Variants in GYG1 observed in about 807,000 individuals in gnomAD.
GYG1 encodes the protein glycogenin-1.
Under a neutral mutation model 41.9 loss-of-function variants are expected in GYG1, and 44 were observed. The ratio of observed to expected loss-of-function variants is 1.05; its 90% CI spans 0.83 to 1.35. GYG1 has a LOEUF of 1.35. GYG1 is among the 40% of genes most tolerant of loss of function. The pLI is 0.00. For missense variants in GYG1, 429 were observed against 418.9 expected (o/e 1.02, Z -0.21); for synonymous variants, 141 against 158.1 (o/e 0.89, Z 0.81).
At position 149,026,911 on chromosome 3, in the gene GYG1, A is replaced by G. The variant is rs1231381999; in HGVS notation, c.1031A>G (p.Lys344Arg). The change falls in exon 8 of 8, where the codon AAA (lysine) becomes AGA (arginine). Residue 344 changes from lysine (K) to arginine (R), a missense_variant. Lys to Arg is a conservative substitution (Grantham distance 26, BLOSUM62 2). Transcript: ENST00000345003. The part of the protein sequence containing the change: ...GADSFDNIKR[K>R]LDTYLQ ...GATTCCTTTGACAACATCAAGAGGA[A>G]ACTTGACACTTACCTCCAGTAGAAA... The G allele has an allele frequency of 1.9e-6, 3 of 1,613,644 alleles. No individual in the cohort carries two copies. The highest frequency in any genetic ancestry group is 1.7e-6 in the Non-Finnish European group (2 of 1,179,634).
rs1317678483 is a variant in GYG1, at chr3:149,030,807, C to A, written c.*3874C>A. On this transcript the variant is annotated 3_prime_UTR_variant, in exon 8 of 8. Coordinates refer to ENST00000345003, the MANE Select transcript of GYG1 (RefSeq NM_004130.4). ...CCAGGAAGATTCTAGCTGGCTAATTCACTGTTCCCTTTGAGCAAGAAAACG... is the reference window on the plus strand; with the variant it reads ...CCAGGAAGATTCTAGCTGGCTAATTAACTGTTCCCTTTGAGCAAGAAAACG... 6.6e-6 allele frequency: 1 copy of A among 152,156 alleles called. No homozygotes were observed. The highest frequency in any genetic ancestry group is 2.4e-5 in the African/African-American group (1 of 41,432). The allele number at this position is 152,156 out of a possible 1,614,324, so 9.4% of individuals were successfully genotyped here.
chr3:148,996,376 C>G lies in GYG1; in HGVS notation c.218C>G (p.Thr73Ser). 1 of 1,612,444 alleles carries G rather than the reference C, an allele frequency of 6.2e-7. No individual in the cohort carries two copies. The change falls in exon 3 of 8, where the codon ACC becomes AGC. Residue 73 changes from threonine to serine, a missense_variant. Transcript: ENST00000345003. ...VLDSGDSAHL[T>S]LMKRPELGVT... is the part of the protein sequence containing the mutation. ...GACAGTGGCGATTCTGCTCATCTAA[C>G]CTTAATGAAGAGGCCAGAGTTGGGT... is the stretch of plus-strand genomic sequence containing the variant.
At chr3:149,009,815 T>G (rs1437045719) in intron 5 of GYG1, among the ~76,000 whole-genome samples, 3 of 152,198 alleles carry the variant, frequency 2.0e-5, no homozygotes, top group African/African-American at 7.2e-5. Flanking sequence ...AGCTCCCTCA[T>G]AATTGTTGTG....
intron 5 of GYG1, among the ~76,000 whole-genome samples, chr3:149,023,319 G>GTAAT (rs1217693355): frequency 6.6e-6 from 1 of 152,236 alleles, no homozygotes; most frequent in Non-Finnish European, 1.5e-5. Context: ...GAGGCTGGGA[G>GTAAT]TAATGTATAC....
At chr3:148,991,863 C>T (rs540541605) in intron 1 of GYG1, among the ~76,000 whole-genome samples, 180 of 152,326 alleles carry the variant, frequency 1.2e-3, no homozygotes, top group Non-Finnish European at 2.2e-3. Flanking sequence ...GGGCAGAGCC[C>T]GGGCCCTCGG....
chr3:149,003,229 C>T (rs1713200298), intron 4 of GYG1, among the ~76,000 whole-genome samples: 1 of 151,544 alleles, frequency 6.6e-6, no homozygotes, highest in East Asian at 1.9e-4. Flanking sequence ...GATTCTCCTG[C>T]CTCAGCCTCC....
rs1372045249 is a variant in GYG1 at position 149,026,933 on chromosome 3, GAA to G, written c.*2_*3del. 4 of 1,613,656 alleles carry G rather than the reference GAA, an allele frequency of 2.5e-6. No individual in the cohort carries two copies. The African/African-American group carries it at 5.3e-5, about 22-fold the overall frequency. ...GGAAACTTGACACTTACCTCCAGTA[GAA>G]ACACTGCATTTTTCTGTGAACACAT... On this transcript the variant is annotated 3_prime_UTR_variant, in exon 8 of 8. Transcript: ENST00000345003.
At position 148,995,544 on chromosome 3, in the gene GYG1, G is replaced by T. The variant is rs1439804303; in HGVS notation, c.144-758G>T. Among the ~76,000 whole-genome samples the T allele has an allele frequency of 3.3e-5, 5 of 152,164 alleles. No homozygotes were observed. In the South Asian group the frequency reaches 6.2e-4, roughly 19 times the overall value. ...CCTAATTTGTAGTCTATTAGGATATGTCTAAGAAACCAGATCTAGTCTTGC... is the reference window on the plus strand; with the variant it reads ...CCTAATTTGTAGTCTATTAGGATATTTCTAAGAAACCAGATCTAGTCTTGC... On this transcript the variant is annotated intron_variant, in intron 2 of 7. Coordinates refer to ENST00000345003, the MANE Select transcript of GYG1 (RefSeq NM_004130.4).
At chr3:149,017,160 A>G (rs559172845) in intron 5 of GYG1, among the ~76,000 whole-genome samples, 9 of 152,326 alleles carry the variant, frequency 5.9e-5, no homozygotes, top group East Asian at 5.8e-4. Flanking sequence ...TGAAAATTCT[A>G]TCTGATCTTT....
Position 148,996,610 on chromosome 3 carries a change from G to T in GYG1, c.319-132G>T, listed in dbSNP as rs1712807237. ...AACCACTGTCATGAAATATGTCAGG[G>T]GATGAAGGAGAGGAGGCCCAGGCTG... On this transcript the variant is annotated intron_variant, in intron 3 of 7. Transcript: ENST00000345003. 6 of 1,186,888 alleles carry T rather than the reference G, an allele frequency of 5.1e-6. No individual in the cohort carries two copies. In the Admixed American group the frequency reaches 8.7e-5, roughly 17 times the overall value. 73.5% of individuals were successfully genotyped at this position (1,186,888 alleles called of 1,614,324 possible).
Position 149,018,467 on chromosome 3 carries a change from C to T in GYG1, c.609-5586C>T, listed in dbSNP as rs1714189279. ...TCCCTCATATCAAGCCAAGTGCTGC[C>T]CTAGATGAGTTCTAGGAACATTCTT... is the stretch of plus-strand genomic sequence containing the variant. On this transcript the variant is annotated intron_variant, in intron 5 of 7. Transcript: ENST00000345003. Among the ~76,000 whole-genome samples, 3 of 152,114 alleles carry T rather than the reference C, an allele frequency of 2.0e-5. No homozygotes were observed. The South Asian group carries it at 6.2e-4, about 32-fold the overall frequency.
At chr3:149,014,550 T>C (rs1713912664) in intron 5 of GYG1, among the ~76,000 whole-genome samples, 1 of 151,680 alleles carries the variant, frequency 6.6e-6, no homozygotes, top group African/African-American at 2.4e-5. Flanking sequence ...ACATAACTTC[T>C]TTGGGAGGCC....
In GYG1 at chr3:149,014,415, T is replaced by TG. The variant is rs1713903356; in HGVS notation, c.608+5018dup. Among the ~76,000 whole-genome samples, 3 of 152,046 alleles carry TG rather than the reference T, an allele frequency of 2.0e-5. No homozygotes were observed. The South Asian group carries it at 6.2e-4, about 32-fold the overall frequency. The stretch of plus-strand genomic sequence containing the variant: ...GAGTGAGATCGCATGGGCAGAAGTC[T>TG]GGGGGAGGAATGCCATCTCGGTCGA... On this transcript the variant is annotated intron_variant, in intron 5 of 7. Coordinates refer to ENST00000345003, the MANE Select transcript of GYG1 (RefSeq NM_004130.4).
chr3:149,015,281 CAGG>C (rs1210965232), intron 5 of GYG1, among the ~76,000 whole-genome samples: 1 of 152,154 alleles, frequency 6.6e-6, no homozygotes, highest in Non-Finnish European at 1.5e-5. Context: ...AGATAAAAGT[CAGG>C]AGCTCCAGAG....
At chr3:149,013,485 T>G (rs1411442987) in intron 5 of GYG1, among the ~76,000 whole-genome samples, 1 of 152,228 alleles carries the variant, frequency 6.6e-6, no homozygotes, top group Non-Finnish European at 1.5e-5. Flanking sequence ...AATTAATTGG[T>G]CAAATTGAGT....
At chr3:149,014,996 T>TA (rs1396410481) in intron 5 of GYG1, among the ~76,000 whole-genome samples, 3 of 152,202 alleles carry the variant, frequency 2.0e-5, no homozygotes, top group African/African-American at 7.2e-5. Context: ...GTCAATGCTT[T>TA]AAAAATTAGG....
chr3:148,993,927 T>G (rs752609127), intron 1 of GYG1, among the ~76,000 whole-genome samples: 3 of 152,218 alleles, frequency 2.0e-5, no homozygotes, highest in Non-Finnish European at 2.9e-5. Flanking sequence ...TTAATCAACC[T>G]GTTGAAGGTT....
At chr3:149,018,523 A>T (rs1714191823) in intron 5 of GYG1, among the ~76,000 whole-genome samples, 1 of 152,084 alleles carries the variant, frequency 6.6e-6, no homozygotes, top group South Asian at 2.1e-4. Context: ...AAAGTTGCAA[A>T]ATCTGGCTTC....
intron 5 of GYG1, among the ~76,000 whole-genome samples, chr3:149,012,237 A>G (rs539800231): frequency 6.6e-6 from 1 of 151,260 alleles, no homozygotes; most frequent in Non-Finnish European, 1.5e-5. Context: ...GCTACTCTCC[A>G]AAGATCCCTG....
Sources: allele counts gnomAD v4.1 joint callset (sites outside exome capture counted in the v4.1 genomes callset), GRCh38; gene constraint gnomAD v4.1.1; transcripts MANE v1.5; gene names NCBI Gene and HGNC (gene_info 2026-07-23, HGNC 2026-07-21).